NHLRC2: variants seen among roughly 807,000 people sequenced by gnomAD.
NHLRC2 encodes NHL repeat containing 2, also known as NHL repeat-containing protein 2.
In NHLRC2, 33 loss-of-function variants were observed where a neutral mutation model predicts 68.1. The ratio of observed to expected loss-of-function variants is 0.48; its 90% CI spans 0.37 to 0.65. The LOEUF (loss-of-function observed/expected upper bound fraction) is 0.65. Ranked by LOEUF, NHLRC2 falls within the 30% of genes least tolerant of loss-of-function variation. The probability of loss-of-function intolerance (pLI) is 0.00; values close to 1 mark genes in which losing one functional copy is unlikely to be tolerated. For missense variants in NHLRC2, 761 were observed against 853.8 expected, an observed-to-expected ratio of 0.89 and a Z score of 1.35; for synonymous variants, 311 against 309.6, an observed-to-expected ratio of 1.00 and a Z score of -0.05.
chr10:113,911,404 TTTC>T lies in NHLRC2; in HGVS notation c.*2871_*2873del, dbSNP rs1846327604. On this transcript the variant is annotated 3_prime_UTR_variant, in exon 11 of 11. Coordinates refer to ENST00000369301, the MANE Select transcript of NHLRC2 (RefSeq NM_198514.4). ...TTCAATGACTATGAAAAATAATTTT[TTTC>T]TTAACTGTTCTAATAATATTTAGTT... The T allele has an allele frequency of 6.6e-6, 1 of 152,058 alleles. No homozygotes were observed. The highest frequency in any genetic ancestry group is 6.5e-5 in the Admixed American group (1 of 15,284). The allele number at this position is 152,058 out of a possible 1,614,324, so 9.4% of individuals were successfully genotyped here. A position where few individuals can be genotyped will look rare whatever the true frequency, so the allele number is the denominator to read the frequency against.
chr10:113,896,737 G>A (rs1025793607), intron 5 of NHLRC2, among the ~76,000 whole-genome samples: 22 of 152,098 alleles, frequency 1.4e-4, no homozygotes, highest in African/African-American at 4.6e-4. Context: ...ATGAGCGCCT[G>A]TAATCCTAGC....
At chr10:113,863,127 A>T (rs1300796538) in intron 2 of NHLRC2, among the ~76,000 whole-genome samples, 1 of 152,222 alleles carries the variant, frequency 6.6e-6, no homozygotes, top group Non-Finnish European at 1.5e-5. Flanking sequence ...AATTATACCC[A>T]ATATATACAG....
At chr10:113,905,706 C>T (rs908863982) in intron 10 of NHLRC2, among the ~76,000 whole-genome samples, 1 of 152,192 alleles carries the variant, frequency 6.6e-6, no homozygotes, top group African/African-American at 2.4e-5. Flanking sequence ...CCAACTCCTC[C>T]TCCTTCATAC....
intron 5 of NHLRC2, among the ~76,000 whole-genome samples, chr10:113,896,632 G>A (rs182324411): frequency 1.2e-3 from 185 of 151,984 alleles, no homozygotes; most frequent in African/African-American, 4.0e-3. Context: ...TAACCTGCAC[G>A]TTGTGCACAT....
intron 2 of NHLRC2, among the ~76,000 whole-genome samples, chr10:113,875,671 T>C (rs748219479): frequency 1.3e-5 from 2 of 152,198 alleles, no homozygotes; most frequent in Non-Finnish European, 2.9e-5. Flanking sequence ...TTTCTCCATC[T>C]TCAAGCAGGG....
intron 6 of NHLRC2, among the ~76,000 whole-genome samples, chr10:113,899,965 G>A (rs941310068): frequency 6.6e-6 from 1 of 152,070 alleles, no homozygotes; most frequent in African/African-American, 2.4e-5. Context: ...AGAGGAAGAC[G>A]CAACATCAGT....
intron 2 of NHLRC2, among the ~76,000 whole-genome samples, chr10:113,872,505 C>T (rs1256316176): frequency 1.3e-5 from 2 of 151,498 alleles, no homozygotes; most frequent in Non-Finnish European, 2.9e-5. Flanking sequence ...CACCTTGCTT[C>T]ATACTGGATT....
At chr10:113,870,228 A>T (rs1845909530) in intron 2 of NHLRC2, among the ~76,000 whole-genome samples, 1 of 152,120 alleles carries the variant, frequency 6.6e-6, no homozygotes, top group Admixed American at 6.6e-5. Flanking sequence ...AAGTCCCCCC[A>T]TCTTTGTTGA....
chr10:113,889,746 C>T (rs1372112658), intron 5 of NHLRC2, among the ~76,000 whole-genome samples: 1 of 152,166 alleles, frequency 6.6e-6, no homozygotes, highest in African/African-American at 2.4e-5. Flanking sequence ...CATCACCACA[C>T]TCACTGCAGC....
intron 10 of NHLRC2, among the ~76,000 whole-genome samples, chr10:113,907,889 C>A (rs551684094): frequency 2.8e-4 from 43 of 152,236 alleles, no homozygotes; most frequent in African/African-American, 9.9e-4. Flanking sequence ...TAAAGACTTT[C>A]ATCTCTTTGG....
chr10:113,906,508 A>T (rs1846275869), intron 10 of NHLRC2, among the ~76,000 whole-genome samples: 1 of 151,926 alleles, frequency 6.6e-6, no homozygotes. Context: ...GTATAATCTT[A>T]AAGAAGTTAG....
chr10:113,880,554 C>G (rs1193456592), intron 4 of NHLRC2, among the ~76,000 whole-genome samples: 1 of 151,860 alleles, frequency 6.6e-6, no homozygotes, highest in Admixed American at 6.6e-5. Flanking sequence ...GTTTCAGATA[C>G]TGCCTTGTTT....
At position 113,867,580 on chromosome 10, in the gene NHLRC2, C is replaced by G. The variant is rs147992407; in HGVS notation, c.331+8900C>G. On this transcript the variant is annotated intron_variant, in intron 2 of 10. Transcript: ENST00000369301. ...CTTCTCATCCTTCCTCAAGGCTGTT[C>G]TAGCCTCCCTGGCTTTCCTTCAGTT... Among the ~76,000 whole-genome samples, 22 of 152,328 alleles carry G rather than the reference C, an allele frequency of 1.4e-4. No individual in the cohort carries two copies. The East Asian group carries it at 4.2e-3, about 29-fold the overall frequency.
chr10:113,904,437 T>C (rs922841868), intron 9 of NHLRC2, among the ~76,000 whole-genome samples: 2 of 152,178 alleles, frequency 1.3e-5, no homozygotes, highest in South Asian at 2.1e-4. Flanking sequence ...AAATGTCATT[T>C]CTCTTCACGT....
At chr10:113,892,096 CT>C (rs1208837107) in intron 5 of NHLRC2, among the ~76,000 whole-genome samples, 1 of 152,188 alleles carries the variant, frequency 6.6e-6, no homozygotes, top group Non-Finnish European at 1.5e-5. Flanking sequence ...GGTTTAGAGA[CT>C]TTGTAGAAAC....
intron 1 of NHLRC2, among the ~76,000 whole-genome samples, chr10:113,855,662 G>A (rs1845745309): frequency 6.6e-6 from 1 of 151,124 alleles, no homozygotes; most frequent in Admixed American, 6.6e-5. Context: ...GTTTTGTTTT[G>A]TTTTGTTTGT....
At chr10:113,906,156 G>A (rs902648177) in intron 10 of NHLRC2, among the ~76,000 whole-genome samples, 8 of 152,296 alleles carry the variant, frequency 5.3e-5, no homozygotes, top group African/African-American at 1.4e-4. Context: ...TTAGAGCAGT[G>A]TATTAAATGG....
chr10:113,863,625 G>C (rs1845836178), intron 2 of NHLRC2, among the ~76,000 whole-genome samples: 1 of 152,064 alleles, frequency 6.6e-6, no homozygotes, highest in Non-Finnish European at 1.5e-5. Context: ...AAAGATTCAA[G>C]CAGGGAGAAA....
chr10:113,854,912 C>G lies in NHLRC2; in HGVS notation c.40C>G (p.Leu14Val), dbSNP rs1198933785. 1 of 1,552,802 alleles carries G rather than the reference C, an allele frequency of 6.4e-7. No individual in the cohort carries two copies. Among genetic ancestry groups the G allele is most frequent in the Non-Finnish European group, 8.7e-7 (1 of 1,147,928 alleles). ...PGGRGRSLSG[L>V]LPAQTSLEYA... is the part of the protein sequence containing the mutation. Reference sequence around the variant, plus strand: ...AGGCCGGGGCCGCAGCCTCTCCGGCCTGCTCCCCGCGCAGACCTCGCTAGA... The same window carrying G: ...AGGCCGGGGCCGCAGCCTCTCCGGCGTGCTCCCCGCGCAGACCTCGCTAGA... Residue 14 changes from leucine (L) to valine (V), a missense_variant, in exon 1 of 11, where the codon CTG becomes GTG. Physicochemically the swap from Leu to Val is conservative, Grantham distance 32 (BLOSUM62 1). Coordinates refer to ENST00000369301, the MANE Select transcript of NHLRC2 (RefSeq NM_198514.4).
Sources: allele counts gnomAD v4.1 joint callset (sites outside exome capture counted in the v4.1 genomes callset), GRCh38; gene constraint gnomAD v4.1.1; transcripts MANE v1.5; gene names NCBI Gene and HGNC (gene_info 2026-07-23, HGNC 2026-07-21).